PPP1R9A: variants seen among roughly 807,000 people sequenced by gnomAD.
PPP1R9A encodes neurabin-1.
PPP1R9A carries 59 observed loss-of-function variants against 141.9 expected under a neutral mutation model. That is an observed-to-expected ratio of 0.42 (90% CI 0.34 to 0.52). The LOEUF (loss-of-function observed/expected upper bound fraction) is 0.52, where lower values mean the gene tolerates loss of function less well. PPP1R9A is among the 20% of genes least tolerant of loss of function. The pLI is 0.10. For missense variants in PPP1R9A, 1,444 were observed against 1,611.9 expected (o/e 0.90, Z 1.78); for synonymous variants, 500 against 569.7 (o/e 0.88, Z 1.74).
At chr7:94,978,000 A>G (rs1799663889) in intron 2 of PPP1R9A, among the ~76,000 whole-genome samples, 1 of 152,106 alleles carries the variant, frequency 6.6e-6, no homozygotes, top group Admixed American at 6.5e-5. Context: ...TGACCTCATG[A>G]TCCACCCGCC....
chr7:95,273,596 G>A (rs1336082408), intron 14 of PPP1R9A, among the ~76,000 whole-genome samples: 3 of 152,170 alleles, frequency 2.0e-5, no homozygotes, highest in African/African-American at 7.2e-5. Context: ...AGTCATGTTG[G>A]TCCCTACTTC....
chr7:95,235,932 G>A (rs780106454), intron 8 of PPP1R9A, among the ~76,000 whole-genome samples: 2 of 152,162 alleles, frequency 1.3e-5, no homozygotes, highest in Non-Finnish European at 2.9e-5. Flanking sequence ...CTTAAATGTG[G>A]GAGCTAAGCT....
At position 95,256,827 on chromosome 7, in the gene PPP1R9A, A is replaced by G. The variant is rs535495839; in HGVS notation, c.2665+4697A>G. Among the ~76,000 whole-genome samples the G allele has an allele frequency of 5.9e-5, 9 of 152,272 alleles. No homozygotes were observed. In the East Asian group the frequency reaches 1.7e-3, roughly 29 times the overall value. The stretch of plus-strand genomic sequence containing the variant: ...AATCATTTCCAACAAACAAAATGTA[A>G]TTTTCTAAAATATGCCATAAAAATA... On this transcript the variant is annotated intron_variant, in intron 12 of 19. Transcript: ENST00000433360.
intron 2 of PPP1R9A, among the ~76,000 whole-genome samples, chr7:94,990,715 T>C (rs1361275854): frequency 6.6e-6 from 1 of 152,072 alleles, no homozygotes; most frequent in African/African-American, 2.4e-5. Context: ...GTGCTTCCCC[T>C]TCTTAGCATC....
chr7:95,106,676 C>T (rs1419358157), intron 2 of PPP1R9A, among the ~76,000 whole-genome samples: 6 of 152,150 alleles, frequency 3.9e-5, no homozygotes, highest in Admixed American at 3.9e-4. Flanking sequence ...TCTGTAAACA[C>T]TTAAATGTGA....
intron 7 of PPP1R9A, among the ~76,000 whole-genome samples, chr7:95,213,786 C>G (rs553142765): frequency 6.6e-6 from 1 of 152,220 alleles, no homozygotes; most frequent in South Asian, 2.1e-4. Context: ...TTTAATAGTA[C>G]TCTCAGCTGA....
rs2240028 is a variant in PPP1R9A at position 95,284,895 on chromosome 7, C to T, written c.3609+565C>T. On this transcript the variant is annotated intron_variant, in intron 17 of 19. Coordinates refer to ENST00000433360, the MANE Select transcript of PPP1R9A (RefSeq NM_001166160.2). ...ACACATATGGTGGCTAACTTTCACA[C>T]GTTGTTTGGTCTCCTTTTATCTGTG... is the stretch of plus-strand genomic sequence containing the variant. Among the ~76,000 whole-genome samples, 660 of 152,288 alleles carry T rather than the reference C, an allele frequency of 4.3e-3. 9 individuals carry two copies. The East Asian group carries it at 0.053, about 12-fold the overall frequency.
chr7:95,173,643 G>A (rs1171402506), intron 5 of PPP1R9A, among the ~76,000 whole-genome samples: 1 of 151,992 alleles, frequency 6.6e-6, no homozygotes, highest in Non-Finnish European at 1.5e-5. Flanking sequence ...AAGAACTCTT[G>A]TAATTCAATA....
At chr7:95,088,400 T>C (rs1216239811) in intron 2 of PPP1R9A, among the ~76,000 whole-genome samples, 2 of 151,892 alleles carry the variant, frequency 1.3e-5, no homozygotes, top group African/African-American at 4.9e-5. Context: ...CAGTATTATG[T>C]GCTTTCTAAC....
intron 7 of PPP1R9A, among the ~76,000 whole-genome samples, chr7:95,207,464 G>A (rs1043137303): frequency 6.6e-6 from 1 of 151,916 alleles, no homozygotes; most frequent in African/African-American, 2.4e-5. Context: ...AAACTTATAG[G>A]TCCATCCCAT....
At chr7:95,234,400 C>T (rs181989296) in intron 8 of PPP1R9A, among the ~76,000 whole-genome samples, 30 of 152,200 alleles carry the variant, frequency 2.0e-4, no homozygotes, top group Admixed American at 8.5e-4. Flanking sequence ...AGCTGAGAAT[C>T]GAATCAAGAA....
At chr7:95,151,009 C>G (rs560220784) in intron 4 of PPP1R9A, among the ~76,000 whole-genome samples, 1 of 152,186 alleles carries the variant, frequency 6.6e-6, no homozygotes. Flanking sequence ...ACACTGACAA[C>G]AAATGCTGAC....
intron 12 of PPP1R9A, among the ~76,000 whole-genome samples, chr7:95,267,954 T>G (rs946335674): frequency 6.6e-6 from 1 of 152,168 alleles, no homozygotes; most frequent in Non-Finnish European, 1.5e-5. Flanking sequence ...TATCGTCAAT[T>G]TGCTGATTAG....
intron 6 of PPP1R9A, among the ~76,000 whole-genome samples, chr7:95,198,765 C>T (rs978058625): frequency 6.6e-6 from 1 of 152,142 alleles, no homozygotes; most frequent in South Asian, 2.1e-4. Flanking sequence ...GATAAAAACA[C>T]AAAAATGTGA....
chr7:95,138,548 C>T (rs114914074), intron 4 of PPP1R9A, among the ~76,000 whole-genome samples: 4 of 152,070 alleles, frequency 2.6e-5, no homozygotes, highest in African/African-American at 4.8e-5. Context: ...TCCAAATTTT[C>T]GTTCTTTGAG....
In PPP1R9A at chr7:94,915,329, G is replaced by A. The variant is rs183727399; in HGVS notation, c.1395+3821G>A. 3.9e-5 allele frequency among the ~76,000 whole-genome samples: 6 copies of A among 152,202 alleles called. No individual in the cohort carries two copies. In the East Asian group the frequency reaches 1.2e-3, roughly 29 times the overall value. On this transcript the variant is annotated intron_variant, in intron 2 of 19. Transcript: ENST00000433360. ...TTTTTTTGTTCAGGATGGTTTTCAG[G>A]GAATAGTTCTGTTGAGATCCAACTT...
At chr7:95,108,331 T>TTTTTG in intron 2 of PPP1R9A, among the ~76,000 whole-genome samples, 1 of 140,720 alleles carries the variant, frequency 7.1e-6, no homozygotes, top group African/African-American at 2.7e-5. Flanking sequence ...TTTTTTTTTT[T>TTTTTG]TTGAGACAGT....
At chr7:95,110,713 A>G (rs910453765) in intron 2 of PPP1R9A, among the ~76,000 whole-genome samples, 5 of 152,224 alleles carry the variant, frequency 3.3e-5, no homozygotes, top group Non-Finnish European at 5.9e-5. Flanking sequence ...AAAAGTTTCA[A>G]TGAGAATTCA....
intron 5 of PPP1R9A, among the ~76,000 whole-genome samples, chr7:95,164,580 C>T (rs1830908078): frequency 6.6e-6 from 1 of 151,930 alleles, no homozygotes; most frequent in Non-Finnish European, 1.5e-5. Context: ...TTGTCTTTGG[C>T]CTCTCTTCTC....
Sources: allele counts gnomAD v4.1 joint callset (sites outside exome capture counted in the v4.1 genomes callset), GRCh38; gene constraint gnomAD v4.1.1; transcripts MANE v1.5; gene names NCBI Gene and HGNC (gene_info 2026-07-23, HGNC 2026-07-21).